USP37: variants seen among roughly 807,000 people sequenced by gnomAD.
The protein encoded by USP37 is ubiquitin specific peptidase 37.
USP37 carries 27 observed loss-of-function variants against 124.0 expected under a neutral mutation model. The observed-to-expected ratio is 0.22, with a 90% CI of 0.16 to 0.30. USP37 has a LOEUF of 0.30. Ranked by LOEUF, USP37 falls within the 10% of genes least tolerant of loss-of-function variation. The pLI is 1.00. For missense variants in USP37, 889 were observed against 1,140.4 expected, an observed-to-expected ratio of 0.78 and a Z score of 3.17; for synonymous variants, 365 against 388.0, an observed-to-expected ratio of 0.94 and a Z score of 0.70.
intron 19 of USP37, among the ~76,000 whole-genome samples, chr2:218,475,971 G>A (rs986979357): frequency 4.6e-5 from 7 of 151,756 alleles, no homozygotes; most frequent in Non-Finnish European, 1.0e-4. Context: ...TGTTTTCTGG[G>A]AGAATTTTGG....
At chr2:218,508,443 A>G (rs1461573039) in intron 11 of USP37, among the ~76,000 whole-genome samples, 1 of 152,140 alleles carries the variant, frequency 6.6e-6, no homozygotes, top group Non-Finnish European at 1.5e-5. Context: ...CTAGAGTACC[A>G]AGGGTGGCAA....
chr2:218,549,824 A>C lies in USP37; in HGVS notation c.414T>G (p.Ser138=). The C allele has an allele frequency of 6.2e-7, 1 of 1,612,936 alleles. No individual in the cohort carries two copies. Among genetic ancestry groups the C allele is most frequent in the African/African-American group, 1.3e-5 (1 of 75,030 alleles). Residue 138 remains serine (S), a synonymous_variant, in exon 6 of 26, where the codon TCT becomes TCG. Transcript: ENST00000258399. ...TSQKETSRQL[S]YSDNQASAKR... ...ATGAACATACCTGATTGTCTGAGTAAGAAAGCTGCCTGCTGGTTTCCTTCT... is the reference window on the plus strand; with the variant it reads ...ATGAACATACCTGATTGTCTGAGTACGAAAGCTGCCTGCTGGTTTCCTTCT...
intron 11 of USP37, among the ~76,000 whole-genome samples, chr2:218,506,395 A>G (rs1689681907): frequency 7.0e-6 from 1 of 143,288 alleles, no homozygotes; most frequent in African/African-American, 2.6e-5. Flanking sequence ...GGTTCAAGAA[A>G]TTCTCCTGCT....
At chr2:218,560,623 A>G (rs968892368) in intron 3 of USP37, among the ~76,000 whole-genome samples, 197 bp downstream of exon 3, 2 of 152,246 alleles carry the variant, frequency 1.3e-5, no homozygotes, top group Non-Finnish European at 2.9e-5. Context: ...AAATGACTTA[A>G]GCAGGCAAAA....
intron 23 of USP37, among the ~76,000 whole-genome samples, chr2:218,457,553 ATAACTC>A (rs1689761536): frequency 1.3e-5 from 2 of 152,242 alleles, no homozygotes; most frequent in African/African-American, 4.8e-5. Context: ...CATAGTAACT[ATAACTC>A]TATTAAAAAA....
chr2:218,539,081 C>T (rs1380990858), intron 8 of USP37, among the ~76,000 whole-genome samples: 1 of 152,094 alleles, frequency 6.6e-6, no homozygotes, highest in Non-Finnish European at 1.5e-5. Context: ...CATCCTCCCA[C>T]CTTAGCCTCC....
chr2:218,563,382 T>C (rs1051267082), intron 1 of USP37, among the ~76,000 whole-genome samples: 11 of 152,224 alleles, frequency 7.2e-5, no homozygotes, highest in Non-Finnish European at 1.6e-4. Context: ...CCTTGGTTTA[T>C]TCATTCTTGC....
intron 18 of USP37, among the ~76,000 whole-genome samples, chr2:218,477,411 T>A (rs1691037798): frequency 6.6e-6 from 1 of 152,186 alleles, no homozygotes; most frequent in Admixed American, 6.6e-5. Context: ...TCCACTTATC[T>A]GTAGGTCAGA....
chr2:218,537,953 C>A (rs1163669551), intron 8 of USP37, among the ~76,000 whole-genome samples: 1 of 152,150 alleles, frequency 6.6e-6, no homozygotes, highest in Non-Finnish European at 1.5e-5. Flanking sequence ...CCAGAGCTAA[C>A]CATCAGGAGC....
chr2:218,488,102 G>A (rs1344723663), intron 15 of USP37, among the ~76,000 whole-genome samples: 4 of 149,638 alleles, frequency 2.7e-5, no homozygotes, highest in Non-Finnish European at 4.4e-5. Flanking sequence ...GCTTGAAACT[G>A]GGGGCAGAGG....
At chr2:218,564,079 G>GA (rs1559235271) in intron 1 of USP37, among the ~76,000 whole-genome samples, 12 of 150,178 alleles carry the variant, frequency 8.0e-5, no homozygotes, top group African/African-American at 2.4e-5. Flanking sequence ...TCAAAAGAAA[G>GA]AAAAAAAAAG....
intron 22 of USP37, 97 bp from the exon 23 acceptor site, chr2:218,460,002 AG>A (rs1689918950): frequency 2.6e-6 from 2 of 767,534 alleles, no homozygotes; most frequent in South Asian, 3.4e-5. Flanking sequence ...AGGCCGAGAC[AG>A]GTGGATCACC....
intron 10 of USP37, among the ~76,000 whole-genome samples, chr2:218,525,125 C>T (rs941084498): frequency 2.0e-5 from 3 of 152,198 alleles, no homozygotes; most frequent in Non-Finnish European, 4.4e-5. Flanking sequence ...TTTCTTATCA[C>T]TCCTTCCTTG....
intron 18 of USP37, among the ~76,000 whole-genome samples, chr2:218,477,855 A>G (rs1046963592): frequency 6.6e-6 from 1 of 152,192 alleles, no homozygotes; most frequent in African/African-American, 2.4e-5. Context: ...AATCGTTAAA[A>G]GGTAAGCTTC....
intron 10 of USP37, among the ~76,000 whole-genome samples, chr2:218,513,572 G>C (rs746964438): frequency 1.3e-5 from 2 of 152,048 alleles, no homozygotes; most frequent in Non-Finnish European, 2.9e-5. Context: ...CTGTGACCTT[G>C]TCTCTGTGAC....
intron 11 of USP37, 71 bp from the exon 12 acceptor site, chr2:218,498,228 T>C: frequency 7.0e-7 from 1 of 1,433,924 alleles, no homozygotes; most frequent in Non-Finnish European, 9.2e-7. Flanking sequence ...TAGTAGGAGT[T>C]CTCCACTTTA....
intron 9 of USP37, 148 bp from the exon 10 acceptor site, chr2:218,530,188 G>T: frequency 1.1e-5 from 7 of 626,260 alleles, no homozygotes; most frequent in East Asian, 2.9e-5. Flanking sequence ...ATTGCTCTTT[G>T]CTTTATTGTG....
intron 1 of USP37, among the ~76,000 whole-genome samples, chr2:218,566,925 C>T (rs1478075114): frequency 6.6e-6 from 1 of 151,910 alleles, no homozygotes; most frequent in African/African-American, 2.4e-5. Flanking sequence ...GAAAGAATTT[C>T]GATATGGAGA....
chr2:218,526,866 G>A (rs940617816), intron 10 of USP37, among the ~76,000 whole-genome samples: 2 of 132,742 alleles, frequency 1.5e-5, no homozygotes, highest in Non-Finnish European at 3.0e-5. Context: ...TCGGCTCACT[G>A]CAAGCTCCGC....
Sources: gnomAD v4.1 joint callset for allele counts (sites outside exome capture counted in the v4.1 genomes callset) on GRCh38, gnomAD v4.1.1 for gene constraint, MANE v1.5 for transcripts, NCBI Gene and HGNC (gene_info 2026-07-23, HGNC 2026-07-21) for gene names.